The following ABCC8 variants were observed in gnomAD, a reference collection of about 807,000 sequenced individuals.
ABCC8 encodes ATP binding cassette subfamily C member 8, also known as ATP-binding cassette sub-family C member 8.
A neutral mutation model predicts 188.0 loss-of-function variants in ABCC8; 137 were observed. The ratio of observed to expected loss-of-function variants is 0.73; its 90% CI spans 0.63 to 0.84. The LOEUF is 0.84. Among genes scored for constraint, ABCC8 ranks in the 40% least tolerant of loss-of-function variants. The pLI, the probability that ABCC8 is intolerant of heterozygous loss-of-function variation, is 0.00. For synonymous variants in ABCC8, 797 were observed against 846.5 expected (o/e 0.94, Z 1.01); for missense variants, 1,750 against 2,072.7 (o/e 0.84, Z 3.02).
rs761871453 is a variant in ABCC8 at position 17,442,754 on chromosome 11, G to A, written c.1596C>T (p.Ser532=). 1 of 1,613,920 alleles carries A rather than the reference G, an allele frequency of 6.2e-7. No homozygotes were observed. Among genetic ancestry groups the A allele is most frequent in the Non-Finnish European group, 8.5e-7 (1 of 1,180,032 alleles). The change falls in exon 10 of 39, where the codon AGC becomes AGT. Residue 532 remains serine, a synonymous_variant. Coordinates refer to ENST00000389817, the MANE Select transcript of ABCC8 (RefSeq NM_000352.6). ...VETTRRKEMT[S]LRAFAIYTSI... ...AGGTATAGATGGCAAAGGCCCTGAG[G>A]CTGGTCATCTCCTTCCTGCGGGTCG...
At chr11:17,405,187 T>A (rs918961113) in intron 27 of ABCC8, among the ~76,000 whole-genome samples, 2 of 152,262 alleles carry the variant, frequency 1.3e-5, no homozygotes, top group Admixed American at 1.3e-4. Flanking sequence ...GAACACAGGC[T>A]GAATCAAAAT....
At chr11:17,447,916 C>A (rs993224878) in intron 8 of ABCC8, among the ~76,000 whole-genome samples, 10 of 152,184 alleles carry the variant, frequency 6.6e-5, no homozygotes, top group African/African-American at 2.4e-4. Context: ...TTTTCCAATT[C>A]TTTTTCATGT....
rs1488038294 is a variant in ABCC8, at chr11:17,393,894, G to A, written c.4546-135C>T. 1.9e-6 allele frequency: 3 copies of A among 1,563,902 alleles called. No homozygotes were observed. The East Asian group carries it at 7.0e-5, about 37-fold the overall frequency. ...ATCCTAGTCCCACCCCCACCCCACA[G>A]GACTGAACAGGTTCCCGGCACTCAG... On this transcript the variant is annotated intron_variant, in intron 37 of 38. Coordinates refer to ENST00000389817, the MANE Select transcript of ABCC8 (RefSeq NM_000352.6).
At chr11:17,440,319 C>A (rs1207497105) in intron 10 of ABCC8, among the ~76,000 whole-genome samples, 1 of 152,152 alleles carries the variant, frequency 6.6e-6, no homozygotes, top group Non-Finnish European at 1.5e-5. Flanking sequence ...TAAACCTGTA[C>A]AAAACTGGGG....
At chr11:17,423,468 G>A (rs1360675559) in intron 16 of ABCC8, among the ~76,000 whole-genome samples, 3 of 151,158 alleles carry the variant, frequency 2.0e-5, no homozygotes, top group Non-Finnish European at 4.4e-5. Context: ...GAGTGAATAC[G>A]TCACTGTGGA....
intron 2 of ABCC8, among the ~76,000 whole-genome samples, chr11:17,472,622 G>T (rs889321139): frequency 1.3e-5 from 2 of 152,180 alleles, no homozygotes; most frequent in Admixed American, 1.3e-4. Flanking sequence ...AGGCCTGGGG[G>T]TAGGAGCTCA....
intron 14 of ABCC8, 70 bp from the exon 15 acceptor site, chr11:17,428,012 G>GCTTC (rs1398439649): frequency 6.3e-7 from 1 of 1,590,536 alleles, no homozygotes; most frequent in African/African-American, 1.3e-5. Flanking sequence ...ATAGTCTCTG[G>GCTTC]CTTCCCCTCC....
chr11:17,404,802 C>T lies in ABCC8; in HGVS notation c.3400-133G>A. 7.2e-7 allele frequency: 1 copy of T among 1,389,228 alleles called. No individual in the cohort carries two copies. The highest frequency in any genetic ancestry group is 2.5e-5 in the East Asian group (1 of 39,892). 86.1% of individuals were successfully genotyped at this position (1,389,228 alleles called of 1,614,324 possible). A position where few individuals can be genotyped will look rare whatever the true frequency, so the allele number is the denominator to read the frequency against. Reference sequence around the variant, plus strand: ...TTTTTGAGACTGAGTCTCACTGTTGCCCAGACTTGAGTGCAGCAGCGTAAT... The same window carrying T: ...TTTTTGAGACTGAGTCTCACTGTTGTCCAGACTTGAGTGCAGCAGCGTAAT... On this transcript the variant is annotated intron_variant, in intron 27 of 38. Transcript: ENST00000389817. The surrounding 1 kb of genome is among the most constrained non-coding windows in gnomAD (Gnocchi z 4.7).
At position 17,410,558 on chromosome 11, in the gene ABCC8, G is replaced by C. The variant is rs749936649; in HGVS notation, c.2652C>G (p.Val884=). 3.7e-6 allele frequency: 6 copies of C among 1,614,134 alleles called. No homozygotes were observed. The South Asian group carries it at 4.4e-5, about 12-fold the overall frequency. ...GGTACTGTAGCTTGTGGGTCACTAA[G>C]ACCACTGTCCTCTTGTCGTCCCGGA... ...ELLRDDKRTV[V]LVTHKLQYLP... is the part of the protein sequence containing the mutation. The change falls in exon 22 of 39, where the codon GTC becomes GTG. Residue 884 remains valine (V), a synonymous_variant. Transcript: ENST00000389817.
Position 17,395,595 on chromosome 11 carries a change from G to A in ABCC8, c.4307+15C>T, listed in dbSNP as rs1953875247. On this transcript the variant is annotated intron_variant, in intron 35 of 38. Transcript: ENST00000389817. ...GGCCTGGGGCTGGGTGGGCCTGAGG[G>A]GTGGTGGGGCTCACCGGATGGTGCC... 3.9e-6 allele frequency: 6 copies of A among 1,547,372 alleles called. No individual in the cohort carries two copies. Among genetic ancestry groups the A allele is most frequent in the East Asian group, 2.4e-5 (1 of 41,038 alleles).
At chr11:17,396,497 CGAGAG>C (rs1953934828) in intron 33 of ABCC8, 1 of 293,890 alleles carries the variant, frequency 3.4e-6, no homozygotes, top group African/African-American at 2.2e-5. Flanking sequence ...GAGTGGGAAA[CGAGAG>C]GAGAGCTGGG....
chr11:17,421,559 G>A (rs1034637501), intron 16 of ABCC8, among the ~76,000 whole-genome samples: 1 of 152,170 alleles, frequency 6.6e-6, no homozygotes. Flanking sequence ...ATCTTTCCCA[G>A]GAGACAGACT....
Position 17,413,474 on chromosome 11 carries a change from T to C in ABCC8, c.2395A>G (p.Lys799Glu), listed in dbSNP as rs1336775990. 1 of 1,613,912 alleles carries C rather than the reference T, an allele frequency of 6.2e-7. No individual in the cohort carries two copies. The highest frequency in any genetic ancestry group is 8.5e-7 in the Non-Finnish European group (1 of 1,180,030). Reference sequence around the variant, plus strand: ...AGAGAGCAGGCTTCAATGACCATCTTGTACCTGGCGTGGGTAGAGGCAGGG... The same window carrying C: ...AGAGAGCAGGCTTCAATGACCATCTCGTACCTGGCGTGGGTAGAGGCAGGG... ...FESPFNKQRY[K>E]MVIEACSLQP... The change falls in exon 20 of 39, where the codon AAG becomes GAG. Residue 799 changes from lysine (K) to glutamate (E), a missense_variant. Coordinates refer to ENST00000389817, the MANE Select transcript of ABCC8 (RefSeq NM_000352.6).
At chr11:17,398,259 T>C in intron 30 of ABCC8, 80 bp downstream of exon 30, 1 of 1,554,446 alleles carries the variant, frequency 6.4e-7, no homozygotes, top group Non-Finnish European at 8.8e-7. Flanking sequence ...TATCCTCTCT[T>C]TCATCCCCAG....
At position 17,439,794 on chromosome 11, in the gene ABCC8, T is replaced by G. The variant is rs1956242784; in HGVS notation, c.1630+2926A>C. On this transcript the variant is annotated intron_variant, in intron 10 of 38. Transcript: ENST00000389817. The stretch of plus-strand genomic sequence containing the variant: ...GGTGACTTGGACACGTGAGGAGTCC[T>G]GGGCGGGCTCCTGCTTGGCTCCAGA... 2.0e-5 allele frequency among the ~76,000 whole-genome samples: 3 copies of G among 152,158 alleles called. No homozygotes were observed. In the South Asian group the frequency reaches 6.2e-4, roughly 32 times the overall value.
At chr11:17,444,078 C>T (rs1242452454) in intron 8 of ABCC8, among the ~76,000 whole-genome samples, 1 of 152,194 alleles carries the variant, frequency 6.6e-6, no homozygotes, top group Non-Finnish European at 1.5e-5. Flanking sequence ...CAGAGCCCTA[C>T]ACCAGATTGG....
chr11:17,396,376 C>T (rs972289649), intron 33 of ABCC8: 11 of 329,084 alleles, frequency 3.3e-5, no homozygotes, highest in Non-Finnish European at 5.9e-5. Context: ...AATTACAATA[C>T]GGAGACAGAT....
chr11:17,435,637 A>G, intron 10 of ABCC8: 1 of 1,398,614 alleles, frequency 7.1e-7, no homozygotes, highest in South Asian at 1.2e-5. Flanking sequence ...GAATGTAATA[A>G]TGTGTAGGAA....
chr11:17,412,579 TG>T, intron 21 of ABCC8, 86 bp downstream of exon 21: 1 of 1,496,284 alleles, frequency 6.7e-7, no homozygotes, highest in East Asian at 2.4e-5. Context: ...GATTGTTGGA[TG>T]ATGGTGGGGT....
Sources: gnomAD v4.1 joint callset for allele counts (sites outside exome capture counted in the v4.1 genomes callset) on GRCh38, gnomAD v4.1.1 for gene constraint, Gnocchi (gnomAD v3.1) non-coding constraint, MANE v1.5 for transcripts, NCBI Gene and HGNC (gene_info 2026-07-23, HGNC 2026-07-21) for gene names.